ME3: variants seen among roughly 807,000 people sequenced by gnomAD.
ME3 encodes the protein NADP-dependent malic enzyme, mitochondrial.
ME3 carries 48 observed loss-of-function variants against 68.9 expected under a neutral mutation model. That is an observed-to-expected ratio of 0.70 (90% CI 0.55 to 0.89). The LOEUF (loss-of-function observed/expected upper bound fraction) is 0.89, where lower values mean the gene tolerates loss of function less well. Among genes scored for constraint, ME3 ranks in the 40% least tolerant of loss-of-function variants. The pLI, the probability that ME3 is intolerant of heterozygous loss-of-function variation, is 0.00. For synonymous variants in ME3, 320 were observed against 318.8 expected, an observed-to-expected ratio of 1.00 and a Z score of -0.04; for missense variants, 675 against 797.4, an observed-to-expected ratio of 0.85 and a Z score of 1.85.
intron 2 of ME3, among the ~76,000 whole-genome samples, chr11:86,658,995 G>A (rs760019021): frequency 1.3e-5 from 2 of 152,160 alleles, no homozygotes; most frequent in African/African-American, 2.4e-5. Flanking sequence ...AAAATCTACT[G>A]CCTAGAATAG....
chr11:86,589,861 C>T (rs1295416844), intron 2 of ME3, among the ~76,000 whole-genome samples: 1 of 152,182 alleles, frequency 6.6e-6, no homozygotes, highest in Non-Finnish European at 1.5e-5. Flanking sequence ...TCCAGAGCTC[C>T]AACAGCCAAG....
intron 2 of ME3, among the ~76,000 whole-genome samples, chr11:86,656,234 C>G (rs2135462442): frequency 6.6e-6 from 1 of 151,834 alleles, no homozygotes; most frequent in African/African-American, 2.4e-5. Context: ...TTTGACCCAG[C>G]CATCCCATTA....
At chr11:86,488,763 A>G (rs1380423314) in intron 6 of ME3, among the ~76,000 whole-genome samples, 1 of 152,204 alleles carries the variant, frequency 6.6e-6, no homozygotes, top group Admixed American at 6.5e-5. Flanking sequence ...GGATTTGTAG[A>G]GGAGCAAGGA....
At chr11:86,646,065 C>A (rs941076541) in intron 2 of ME3, among the ~76,000 whole-genome samples, 4 of 152,158 alleles carry the variant, frequency 2.6e-5, no homozygotes, top group African/African-American at 7.2e-5. Context: ...GAATCAAAGA[C>A]CAAAGGTAGA....
chr11:86,635,878 G>C (rs921580321), intron 2 of ME3, among the ~76,000 whole-genome samples: 21 of 152,256 alleles, frequency 1.4e-4, no homozygotes, highest in Non-Finnish European at 5.9e-5. Context: ...ACTTAGGGAA[G>C]TTGAGAGATA....
chr11:86,582,071 C>T (rs1254920697), intron 2 of ME3, among the ~76,000 whole-genome samples: 3 of 152,260 alleles, frequency 2.0e-5, no homozygotes. Flanking sequence ...TTCTTGCTAA[C>T]TTAAAACATC....
chr11:86,610,182 A>G (rs1043102225), intron 2 of ME3, among the ~76,000 whole-genome samples: 2 of 152,196 alleles, frequency 1.3e-5, no homozygotes, highest in Non-Finnish European at 2.9e-5. Context: ...CAGTGATTAC[A>G]TTAGGGGTGA....
chr11:86,647,934 C>A (rs996085218), intron 2 of ME3, among the ~76,000 whole-genome samples: 2 of 152,210 alleles, frequency 1.3e-5, no homozygotes, highest in Non-Finnish European at 2.9e-5. Flanking sequence ...GAACTCTCCA[C>A]CCCAAATCAA....
chr11:86,614,854 T>G (rs1451936254), intron 2 of ME3, among the ~76,000 whole-genome samples: 2 of 152,216 alleles, frequency 1.3e-5, no homozygotes, highest in East Asian at 3.8e-4. Context: ...CACATTGTAT[T>G]GCATATTAAG....
At chr11:86,656,433 T>G (rs1344457031) in intron 2 of ME3, among the ~76,000 whole-genome samples, 6 of 151,918 alleles carry the variant, frequency 3.9e-5, no homozygotes, top group Non-Finnish European at 1.5e-5. Context: ...AAATGATGAG[T>G]TCATGTCCTT....
At chr11:86,525,900 G>A (rs1415941861) in intron 4 of ME3, among the ~76,000 whole-genome samples, 1 of 151,772 alleles carries the variant, frequency 6.6e-6, no homozygotes, top group Non-Finnish European at 1.5e-5. Flanking sequence ...GAGCCAAGAG[G>A]GCCTAATAGG....
At chr11:86,650,346 A>G (rs1452487166) in intron 2 of ME3, among the ~76,000 whole-genome samples, 2 of 152,220 alleles carry the variant, frequency 1.3e-5, no homozygotes, top group South Asian at 2.1e-4. Context: ...ACCTAAAACC[A>G]TAAAAACCCT....
At chr11:86,648,114 C>T (rs1945152092) in intron 2 of ME3, among the ~76,000 whole-genome samples, 1 of 152,220 alleles carries the variant, frequency 6.6e-6, no homozygotes, top group South Asian at 2.1e-4. Context: ...TCACTCCAAA[C>T]TGCAGAACTA....
chr11:86,611,464 A>G (rs1035637511), intron 2 of ME3, among the ~76,000 whole-genome samples: 17 of 152,118 alleles, frequency 1.1e-4, no homozygotes, highest in African/African-American at 3.9e-4. Flanking sequence ...GTGGGTAACT[A>G]TGTGAGGTGA....
chr11:86,605,547 T>C (rs181225582), intron 2 of ME3, among the ~76,000 whole-genome samples: 1 of 152,214 alleles, frequency 6.6e-6, no homozygotes, highest in Non-Finnish European at 1.5e-5. Context: ...AGCTATCTCA[T>C]GTATTCAGAG....
chr11:86,446,747 C>G (rs1293072467), intron 12 of ME3: 1 of 594,548 alleles, frequency 1.7e-6, no homozygotes, highest in Non-Finnish European at 2.9e-6. Flanking sequence ...CTGGTGGGGC[C>G]AACCCAGGAC....
chr11:86,450,163 TA>T, intron 9 of ME3, 137 bp downstream of exon 9: 1 of 989,600 alleles, frequency 1.0e-6, no homozygotes, highest in East Asian at 2.6e-5. Context: ...TGTCAGAGCC[TA>T]GGCAGCTGCA....
intron 2 of ME3, among the ~76,000 whole-genome samples, chr11:86,627,869 C>T (rs976994597): frequency 8.5e-5 from 13 of 152,322 alleles, no homozygotes; most frequent in South Asian, 2.1e-4. Flanking sequence ...GTTAACACCA[C>T]GCATAAGCAA....
intron 6 of ME3, among the ~76,000 whole-genome samples, chr11:86,494,836 T>G (rs1952216459): frequency 6.6e-6 from 1 of 152,148 alleles, no homozygotes; most frequent in Admixed American, 6.5e-5. Context: ...CTCAATAAAC[T>G]TTTATTAAAT....
Sources: allele counts gnomAD v4.1 joint callset (sites outside exome capture counted in the v4.1 genomes callset), GRCh38; gene constraint gnomAD v4.1.1; transcripts MANE v1.5; gene names NCBI Gene and HGNC (gene_info 2026-07-23, HGNC 2026-07-21).